Variants in IL12RB1 observed in about 807,000 individuals in gnomAD.
IL12RB1 encodes interleukin-12 receptor subunit beta-1.
IL12RB1 carries 64 observed loss-of-function variants against 94.4 expected under a neutral mutation model. That is an observed-to-expected ratio of 0.68 (90% CI 0.55 to 0.83). The LOEUF (loss-of-function observed/expected upper bound fraction) is 0.83. Among genes scored for constraint, IL12RB1 ranks in the 40% least tolerant of loss-of-function variants. IL12RB1 has a pLI of 0.00. For missense variants in IL12RB1, 814 were observed against 855.6 expected (o/e 0.95, Z 0.61); for synonymous variants, 362 against 355.5 (o/e 1.02, Z -0.21).
intron 13 of IL12RB1, 35 bp from the exon 14 acceptor site, chr19:18,062,312 C>T: frequency 7.6e-7 from 1 of 1,314,234 alleles, no homozygotes; most frequent in Non-Finnish European, 1.1e-6. Flanking sequence ...CAGAGGGCTA[C>T]CTCCTGCCTC....
chr19:18,093,262 C>T (rs1408692619), intron 1 of IL12RB1, among the ~76,000 whole-genome samples: 1 of 151,812 alleles, frequency 6.6e-6, no homozygotes, highest in Non-Finnish European at 1.5e-5. Flanking sequence ...GCCGAGATTG[C>T]TCCACTGCAC....
At chr19:18,089,199 C>T (rs1214867670), upstream of IL12RB1, among the ~76,000 whole-genome samples, 1 of 151,592 alleles carries the variant, frequency 6.6e-6, no homozygotes, top group Non-Finnish European at 1.5e-5. Flanking sequence ...TGGGGGGAGG[C>T]GGGAGTGAGA....
chr19:18,066,576 G>T lies in IL12RB1; in HGVS notation c.1449C>A (p.Val483=), dbSNP rs1387183699. 2 of 1,613,426 alleles carry T rather than the reference G, an allele frequency of 1.2e-6. No homozygotes were observed. Among genetic ancestry groups the T allele is most frequent in the Non-Finnish European group, 1.7e-6 (2 of 1,179,710 alleles). Residue 483 remains valine (V), a synonymous_variant, in exon 12 of 17, where the codon GTC becomes GTA. Coordinates refer to ENST00000593993, the MANE Select transcript of IL12RB1 (RefSeq NM_005535.3). ...TCPGVLKEYV[V]RCRDEDSKQV... ...GTTTGCTGTCTTCATCTCGGCAGCGGACAACATACTCCTTTAGGACGCCGG... is the reference window on the plus strand; with the variant it reads ...GTTTGCTGTCTTCATCTCGGCAGCGTACAACATACTCCTTTAGGACGCCGG...
rs577986561 is a variant in IL12RB1 at position 18,081,589 on chromosome 19, G to C, written c.239+561C>G. ...AATCCCAGCACTTTGGGAGGCCAAG[G>C]GGGGGTGGATCACCTGAGGCCAGGA... On this transcript the variant is annotated intron_variant, in intron 3 of 16. Transcript: ENST00000593993. Among the ~76,000 whole-genome samples, 8 of 151,776 alleles carry C rather than the reference G, an allele frequency of 5.3e-5. No homozygotes were observed. In the South Asian group the frequency reaches 6.2e-4, roughly 12 times the overall value.
In IL12RB1 at chr19:18,081,099, T is replaced by G. The variant is rs577096269; in HGVS notation, c.240-98A>C. ...CATCCCAGCATCGTTTTTTTGGTGTTTGTTTGTTTGTTTGGAGATGGAGTT... is the reference window on the plus strand; with the variant it reads ...CATCCCAGCATCGTTTTTTTGGTGTGTGTTTGTTTGTTTGGAGATGGAGTT... On this transcript the variant is annotated intron_variant, in intron 3 of 16. Coordinates refer to ENST00000593993, the MANE Select transcript of IL12RB1 (RefSeq NM_005535.3). 4.6e-6 allele frequency: 5 copies of G among 1,077,132 alleles called. No homozygotes were observed. The African/African-American group carries it at 4.7e-5, about 10-fold the overall frequency. 66.7% of individuals were successfully genotyped at this position (1,077,132 alleles called of 1,614,324 possible). A position where few individuals can be genotyped will look rare whatever the true frequency, so the allele number is the denominator to read the frequency against.
chr19:18,095,115 G>T (rs374788641), intron 1 of IL12RB1, among the ~76,000 whole-genome samples: 16 of 152,090 alleles, frequency 1.1e-4, no homozygotes, highest in Middle Eastern at 3.4e-3. Flanking sequence ...GGAGGCAGAG[G>T]TTGCAGTGAG....
At chr19:18,069,768 C>G in intron 9 of IL12RB1, 55 bp from the exon 10 acceptor site, 1 of 1,303,348 alleles carries the variant, frequency 7.7e-7, no homozygotes, top group South Asian at 1.2e-5. Flanking sequence ...CTCCCCAGTC[C>G]CCTTCTCTGG....
At position 18,082,215 on chromosome 19, in the gene IL12RB1, A is replaced by G; in HGVS notation, c.174T>C (p.Asp58=). ...CATACTGCCAGGAGCACTCGTAACG[A>G]TCACTGGATATCCGATAGCATCTCA... ...RDLRCYRISS[D]RYECSWQYEG... Residue 58 remains aspartate, a synonymous_variant, in exon 3 of 17, where the codon GAT becomes GAC. Transcript: ENST00000593993. The G allele has an allele frequency of 6.2e-7, 1 of 1,613,894 alleles. No homozygotes were observed. The highest frequency in any genetic ancestry group is 1.3e-5 in the African/African-American group (1 of 75,012).
At chr19:18,087,052 ACT>A (rs2146510315), upstream of IL12RB1, 2 of 834,774 alleles carry the variant, frequency 2.4e-6, no homozygotes, top group Admixed American at 5.2e-5. Flanking sequence ...GCGGCCACAG[ACT>A]CTGGAGCAAG....
chr19:18,094,324 TCACCATGTTGCC>T (rs1479628859), intron 1 of IL12RB1, among the ~76,000 whole-genome samples: 4 of 152,140 alleles, frequency 2.6e-5, no homozygotes, highest in Admixed American at 2.0e-4. Context: ...AGACGCGGTT[TCACCATGTTGCC>T]CAGGCTGGTC....
chr19:18,078,243 TACTA>T (rs2035626064), intron 4 of IL12RB1, among the ~76,000 whole-genome samples: 1 of 151,716 alleles, frequency 6.6e-6, no homozygotes, highest in South Asian at 2.1e-4. Flanking sequence ...ACACCGTCTC[TACTA>T]AATACAAAAA....
At position 18,072,164 on chromosome 19, in the gene IL12RB1, T is replaced by C. The variant is rs896812207; in HGVS notation, c.969A>G (p.Gln323=). Residue 323 remains glutamine (Q), a synonymous_variant, in exon 9 of 17, where the codon CAA becomes CAG. Coordinates refer to ENST00000593993, the MANE Select transcript of IL12RB1 (RefSeq NM_005535.3). ...ACGTCTGGTTCAGGCCAGGACCAAA[T>C]TGGTTCGAGGAGATGACAGCCACGT... The part of the protein sequence containing the change: ...AYNVAVISSN[Q]FGPGLNQTWH... 5.0e-6 allele frequency: 8 copies of C among 1,613,884 alleles called. No individual in the cohort carries two copies. Among genetic ancestry groups the C allele is most frequent in the African/African-American group, 2.7e-5 (2 of 74,872 alleles).
intron 8 of IL12RB1, among the ~76,000 whole-genome samples, chr19:18,072,899 A>G (rs1417138565): frequency 6.8e-6 from 1 of 146,930 alleles, no homozygotes; most frequent in Non-Finnish European, 1.5e-5. Flanking sequence ...GTGAGCCGAG[A>G]TGGCGCCACT....
In IL12RB1 at chr19:18,059,889, A is replaced by T; in HGVS notation, c.1983+5T>A. 1.3e-6 allele frequency: 2 copies of T among 1,526,816 alleles called. No individual in the cohort carries two copies. Among genetic ancestry groups the T allele is most frequent in the Non-Finnish European group, 1.8e-6 (2 of 1,133,316 alleles). The allele number at this position is 1,526,816 out of a possible 1,614,324, so 94.6% of individuals were successfully genotyped here. On this transcript the variant is annotated splice_donor_5th_base_variant and intron_variant, in intron 16 of 16. Transcript: ENST00000593993. ...CTGACCGTCTGGCCCACTGGGCCCC[A>T]GGACCTTGGCCTTGCACCTGTCTCC...
chr19:18,069,858 C>A, intron 9 of IL12RB1, 145 bp from the exon 10 acceptor site: 1 of 668,202 alleles, frequency 1.5e-6, no homozygotes, highest in East Asian at 2.6e-5. Context: ...GGCTGTTTCC[C>A]TGCACTGGAG....
intron 1 of IL12RB1, among the ~76,000 whole-genome samples, chr19:18,084,032 C>CCATGTATTA: frequency 6.6e-6 from 1 of 151,172 alleles, no homozygotes; most frequent in Non-Finnish European, 1.5e-5. Context: ...TCCATCCATC[C>CCATGTATTA]ATCCATCCAT....
chr19:18,072,108 G>A lies in IL12RB1; in HGVS notation c.1021+4C>T. 1 of 1,589,896 alleles carries A rather than the reference G, an allele frequency of 6.3e-7. No homozygotes were observed. Among genetic ancestry groups the A allele is most frequent in the Non-Finnish European group, 8.6e-7 (1 of 1,157,960 alleles). On this transcript the variant is annotated splice_donor_region_variant and intron_variant, in intron 9 of 16. Coordinates refer to ENST00000593993, the MANE Select transcript of IL12RB1 (RefSeq NM_005535.3). ...ATACCGCCCTCCCCACCCAGAGGAG[G>A]CACCTGTGTGGGTGTCGGCAGGAAT...
intron 4 of IL12RB1, among the ~76,000 whole-genome samples, chr19:18,079,060 A>T (rs1194092988): frequency 6.6e-6 from 1 of 151,068 alleles, no homozygotes; most frequent in Non-Finnish European, 1.5e-5. Context: ...CATATCCATC[A>T]CCTTCTATAA....
chr19:18,059,834 C>T (rs748543103), intron 16 of IL12RB1, 60 bp downstream of exon 16: 8 of 950,232 alleles, frequency 8.4e-6, no homozygotes, highest in Non-Finnish European at 1.3e-5. Context: ...GGATGTCTAG[C>T]CCCCCCACCC....
Sources: gnomAD v4.1 joint callset for allele counts (sites outside exome capture counted in the v4.1 genomes callset) on GRCh38, gnomAD v4.1.1 for gene constraint, MANE v1.5 for transcripts, NCBI Gene and HGNC (gene_info 2026-07-23, HGNC 2026-07-21) for gene names.